ROBO1: variants seen among roughly 807,000 people sequenced by gnomAD.
ROBO1 encodes the protein roundabout guidance receptor 1, also known as roundabout homolog 1.
Under a neutral mutation model 195.9 loss-of-function variants are expected in ROBO1, and 149 were observed. That is an observed-to-expected ratio of 0.76 (90% CI 0.67 to 0.87). ROBO1 has a LOEUF of 0.87. Ranked by LOEUF, ROBO1 falls within the 40% of genes least tolerant of loss-of-function variation. ROBO1 has a pLI of 0.00. For synonymous variants in ROBO1, 816 were observed against 733.2 expected (o/e 1.11, Z -1.82); for missense variants, 1,933 against 2,068.3 (o/e 0.93, Z 1.27).
At chr3:79,496,387 C>CATTTTTTGTTTTTTTTTT (rs145186389) in intron 2 of ROBO1, among the ~76,000 whole-genome samples, 1 of 112,788 alleles carries the variant, frequency 8.9e-6, no homozygotes. Context: ...GCGCACCCAT[C>CATTTTTTGTTTTTTTTTT]TTTTTTTGAG....
intron 4 of ROBO1, among the ~76,000 whole-genome samples, chr3:78,832,824 G>T (rs2032350587): frequency 6.6e-6 from 1 of 152,078 alleles, no homozygotes; most frequent in African/African-American, 2.4e-5. Context: ...AAATACAAAG[G>T]TGAGAGGAGG....
intron 4 of ROBO1, among the ~76,000 whole-genome samples, chr3:78,800,968 AAT>A (rs1416465878): frequency 6.6e-6 from 1 of 152,206 alleles, no homozygotes; most frequent in Non-Finnish European, 1.5e-5. Flanking sequence ...GGATAATCTT[AAT>A]AATCTATGCT....
At position 79,099,705 on chromosome 3, in the gene ROBO1, A is replaced by C. The variant is rs114070732; in HGVS notation, c.172+25751T>G. ...TTTTGTCATCAGAGATTATAAGCATATTTTATGCAGAGAAGTGTTGTAATT... is the reference window on the plus strand; with the variant it reads ...TTTTGTCATCAGAGATTATAAGCATCTTTTATGCAGAGAAGTGTTGTAATT... On this transcript the variant is annotated intron_variant, in intron 3 of 30. Transcript: ENST00000464233. Among the ~76,000 whole-genome samples the C allele has an allele frequency of 8.9e-3, 1,347 of 151,930 alleles. 27 individuals carry two copies. The highest frequency in any genetic ancestry group is 0.031 in the African/African-American group (1,292 of 41,510).
At chr3:79,680,593 G>A (rs887597874) in intron 1 of ROBO1, among the ~76,000 whole-genome samples, 1 of 151,948 alleles carries the variant, frequency 6.6e-6, no homozygotes, top group Non-Finnish European at 1.5e-5. Flanking sequence ...AAATTAAATG[G>A]GAGCCAATTA....
chr3:78,939,300 G>A (rs756770404), intron 3 of ROBO1, among the ~76,000 whole-genome samples: 8 of 151,990 alleles, frequency 5.3e-5, no homozygotes, highest in African/African-American at 9.7e-5. Flanking sequence ...CCTTTTTAAC[G>A]AACATCAGTC....
intron 1 of ROBO1, among the ~76,000 whole-genome samples, chr3:79,708,391 T>G (rs1033476233): frequency 3.3e-5 from 5 of 152,200 alleles, no homozygotes; most frequent in Admixed American, 2.6e-4. Flanking sequence ...GAATCTTTAT[T>G]TTCTTATGAA....
At chr3:79,230,722 C>T (rs1042858146) in intron 2 of ROBO1, among the ~76,000 whole-genome samples, 10 of 151,960 alleles carry the variant, frequency 6.6e-5, no homozygotes, top group African/African-American at 9.7e-5. Flanking sequence ...CATTAAACTA[C>T]GATTGACATT....
intron 1 of ROBO1, among the ~76,000 whole-genome samples, chr3:79,607,820 T>A (rs9834472): frequency 0.83 from 125,944 of 151,884 alleles, 52,353 homozygotes; most frequent in Middle Eastern, 0.88. Flanking sequence ...CGTGCGTGGC[T>A]CTCCCTAGAG....
intron 1 of ROBO1, among the ~76,000 whole-genome samples, chr3:79,604,719 A>T (rs932454117): frequency 1.3e-5 from 2 of 152,006 alleles, no homozygotes; most frequent in African/African-American, 2.4e-5. Flanking sequence ...AATGCCAAAA[A>T]TGTATTACTT....
At chr3:79,160,721 G>C (rs1429026676) in intron 2 of ROBO1, among the ~76,000 whole-genome samples, 5 of 151,986 alleles carry the variant, frequency 3.3e-5, no homozygotes, top group Non-Finnish European at 5.9e-5. Context: ...ATCACAGTGT[G>C]GATTCACAGG....
At chr3:79,337,831 A>C (rs1471793128) in intron 2 of ROBO1, among the ~76,000 whole-genome samples, 1 of 152,238 alleles carries the variant, frequency 6.6e-6, no homozygotes, top group African/African-American at 2.4e-5. Context: ...GTTAACATAG[A>C]TAAAGTAATA....
At position 78,661,998 on chromosome 3, in the gene ROBO1, A is replaced by G; in HGVS notation, c.2083T>C (p.Trp695Arg). The G allele has an allele frequency of 6.2e-7, 1 of 1,608,262 alleles. No homozygotes were observed. Among genetic ancestry groups the G allele is most frequent in the Non-Finnish European group, 8.5e-7 (1 of 1,177,508 alleles). The change falls in exon 15 of 31, where the codon TGG (tryptophan) becomes CGG (arginine). Residue 695 changes from tryptophan (W) to arginine (R), a missense_variant. Coordinates refer to ENST00000464233, the MANE Select transcript of ROBO1 (RefSeq NM_002941.4). Reference sequence around the variant, plus strand: ...CAAATATTGTAACAACTCACTGTCCAGTGCACTTCGATGGAAGAGGAAGAA... The same window carrying G: ...CAAATATTGTAACAACTCACTGTCCGGTGCACTTCGATGGAAGAGGAAGAA... ...VLSSSSIEVHWTVDQQSQYIQ... is the reference protein window; with the variant it reads ...VLSSSSIEVHRTVDQQSQYIQ...
At chr3:78,869,622 A>ATT (rs560176819) in intron 4 of ROBO1, among the ~76,000 whole-genome samples, 1 of 148,400 alleles carries the variant, frequency 6.7e-6, no homozygotes. Context: ...CACCAGGTAA[A>ATT]TTTTTTTTTT....
At chr3:79,740,202 A>T (rs994892089) in intron 1 of ROBO1, among the ~76,000 whole-genome samples, 3 of 133,204 alleles carry the variant, frequency 2.3e-5, no homozygotes, top group Non-Finnish European at 4.7e-5. Flanking sequence ...TCTGATAAAA[A>T]ATATATATAT....
At chr3:79,301,978 C>T (rs965418764) in intron 2 of ROBO1, among the ~76,000 whole-genome samples, 3 of 152,100 alleles carry the variant, frequency 2.0e-5, no homozygotes, top group Non-Finnish European at 2.9e-5. Flanking sequence ...ACTCACCCAC[C>T]AGCTACAATA....
intron 2 of ROBO1, among the ~76,000 whole-genome samples, chr3:79,543,281 T>A (rs1942144438): frequency 6.6e-6 from 1 of 152,068 alleles, no homozygotes; most frequent in South Asian, 2.1e-4. Flanking sequence ...CAGATTCGCT[T>A]TTTTCAAAGC....
intron 2 of ROBO1, among the ~76,000 whole-genome samples, chr3:79,345,459 G>T (rs2035074562): frequency 6.6e-6 from 1 of 151,958 alleles, no homozygotes; most frequent in Non-Finnish European, 1.5e-5. Flanking sequence ...TATCTAGATG[G>T]CTTTTGCTCT....
chr3:79,499,724 T>C (rs1559943728), intron 2 of ROBO1, among the ~76,000 whole-genome samples: 1 of 152,216 alleles, frequency 6.6e-6, no homozygotes, highest in Non-Finnish European at 1.5e-5. Context: ...TTACACTAGG[T>C]ACAAGAGGCA....
intron 2 of ROBO1, among the ~76,000 whole-genome samples, chr3:79,183,080 C>CAAAAAAAAAAAAAAAAAAAAAAAAAA (rs1304597488): frequency 9.3e-5 from 6 of 64,822 alleles, no homozygotes; most frequent in African/African-American, 2.7e-4. Context: ...GACTCCAACT[C>CAAAAAAAAAAAAAAAAAAAAAAAAAA]AAAAAAAAAA....
Sources: allele counts gnomAD v4.1 joint callset (sites outside exome capture counted in the v4.1 genomes callset), GRCh38; gene constraint gnomAD v4.1.1; transcripts MANE v1.5; gene names NCBI Gene and HGNC (gene_info 2026-07-23, HGNC 2026-07-21).